Variants in UROC1 observed in about 807,000 individuals in gnomAD.
UROC1 encodes urocanate hydratase.
A neutral mutation model predicts 89.5 loss-of-function variants in UROC1; 79 were observed. The observed-to-expected ratio is 0.88, with a 90% CI of 0.74 to 1.06. The LOEUF (loss-of-function observed/expected upper bound fraction) is 1.06. Ranked by LOEUF, UROC1 falls within the 50% of genes least tolerant of loss-of-function variation. UROC1 has a pLI of 0.00. For synonymous variants in UROC1, 361 were observed against 354.8 expected (o/e 1.02, Z -0.20); for missense variants, 885 against 907.8 (o/e 0.97, Z 0.32).
At chr3:126,498,007 T>TG (rs751779600) in intron 14 of UROC1, 44 bp downstream of exon 14, 74 of 1,613,146 alleles carry the variant, frequency 4.6e-5, no homozygotes, top group Non-Finnish European at 4.9e-5. Context: ...GCAGAAGCTT[T>TG]GGGGGGGCCA....
At position 126,481,589 on chromosome 3, in the gene UROC1, G is replaced by GCCCT. The variant is rs1477233070; in HGVS notation, c.*752_*755dup. 4.6e-5 allele frequency: 7 copies of GCCCT among 152,200 alleles called. No homozygotes were observed. Among genetic ancestry groups the GCCCT allele is most frequent in the Admixed American group, 3.9e-4 (6 of 15,284 alleles). 9.4% of individuals were successfully genotyped at this position (152,200 alleles called of 1,614,324 possible). A position where few individuals can be genotyped will look rare whatever the true frequency, so the allele number is the denominator to read the frequency against. On this transcript the variant is annotated 3_prime_UTR_variant, in exon 20 of 20. Coordinates refer to ENST00000290868, the MANE Select transcript of UROC1 (RefSeq NM_144639.3). The stretch of plus-strand genomic sequence containing the variant: ...CCAGCTAAGAGAATGAGATTCATGA[G>GCCCT]CCCTGGCCCTGACAGAGGCCACTTC...
chr3:126,487,883 C>T (rs1371650194), intron 18 of UROC1, among the ~76,000 whole-genome samples: 2 of 152,176 alleles, frequency 1.3e-5, no homozygotes, highest in Admixed American at 6.5e-5. Context: ...TGGAAACTGA[C>T]ATGCTGGAAA....
chr3:126,506,148 TAGAG>T, intron 6 of UROC1, 137 bp from the exon 7 acceptor site: 2 of 949,214 alleles, frequency 2.1e-6, no homozygotes, highest in Admixed American at 2.0e-5. Flanking sequence ...TCACATAAAA[TAGAG>T]AGAGCACAGA....
chr3:126,489,460 C>G, intron 16 of UROC1, 85 bp from the exon 17 acceptor site: 1 of 1,056,236 alleles, frequency 9.5e-7, no homozygotes, highest in Non-Finnish European at 1.5e-6. Flanking sequence ...GCAGGTCACA[C>G]CAGAACCCGC....
intron 15 of UROC1, among the ~76,000 whole-genome samples, chr3:126,495,195 AT>A (rs1473054871): frequency 2.6e-5 from 4 of 152,162 alleles, no homozygotes; most frequent in Non-Finnish European, 5.9e-5. Context: ...TACGTTTTAA[AT>A]TATAAAATAT....
intron 9 of UROC1, among the ~76,000 whole-genome samples, chr3:126,502,628 TTA>T (rs1275537735): frequency 6.7e-6 from 1 of 149,270 alleles, no homozygotes; most frequent in Non-Finnish European, 1.5e-5. Context: ...ATGTGTGTGT[TTA>T]TGTGTGTGCA....
chr3:126,501,804 G>A (rs751127855), intron 9 of UROC1: 1 of 1,599,346 alleles, frequency 6.3e-7, no homozygotes, highest in East Asian at 2.2e-5. Flanking sequence ...TGCTTACCAG[G>A]AGTGGCCTGG....
At chr3:126,509,725 C>T (rs748920925) in intron 2 of UROC1, 47 bp from the exon 3 acceptor site, 1 of 1,521,790 alleles carries the variant, frequency 6.6e-7, no homozygotes. Context: ...CGCCAAAGCA[C>T]AGCATCTAGC....
At chr3:126,502,551 G>T (rs1343457416) in intron 9 of UROC1, among the ~76,000 whole-genome samples, 1 of 150,838 alleles carries the variant, frequency 6.6e-6, no homozygotes, top group Non-Finnish European at 1.5e-5. Context: ...TTGTGCATGA[G>T]TTATGTGTTT....
At chr3:126,500,915 C>T (rs560636852) in intron 10 of UROC1, 41 bp from the exon 11 acceptor site, 1 of 841,980 alleles carries the variant, frequency 1.2e-6, no homozygotes, top group Non-Finnish European at 1.7e-6. Context: ...CCACACACAG[C>T]CTGGGCCCAG....
At position 126,517,629 on chromosome 3, in the gene UROC1, C is replaced by T; in HGVS notation, c.91G>A (p.Val31Ile). Reference sequence around the variant, plus strand: ...ACAGGGCTGAGGCTGGGGGTCCTGACAGGGGCATGGGGCACCCCAGCCTGG... The same window carrying T: ...ACAGGGCTGAGGCTGGGGGTCCTGATAGGGGCATGGGGCACCCCAGCCTGG... ...GRQAGVPHAP[V>I]RTPSLSPVEK... is the part of the protein sequence containing the mutation. Residue 31 changes from valine to isoleucine, a missense_variant, in exon 1 of 20, where the codon GTC becomes ATC. Coordinates refer to ENST00000290868, the MANE Select transcript of UROC1 (RefSeq NM_144639.3). 1.2e-6 allele frequency: 2 copies of T among 1,612,006 alleles called. No homozygotes were observed. The highest frequency in any genetic ancestry group is 1.7e-4 in the Middle Eastern group (1 of 5,942).
At chr3:126,492,795 A>G (rs1043365247) in intron 15 of UROC1, among the ~76,000 whole-genome samples, 2 of 152,136 alleles carry the variant, frequency 1.3e-5, no homozygotes, top group African/African-American at 4.8e-5. Flanking sequence ...GATTATCCCC[A>G]GAGGGGCCTT....
chr3:126,514,616 A>G (rs1936260707), intron 1 of UROC1, among the ~76,000 whole-genome samples: 1 of 152,058 alleles, frequency 6.6e-6, no homozygotes, highest in Non-Finnish European at 1.5e-5. Flanking sequence ...ATGCACCACG[A>G]AGGAACAATC....
chr3:126,499,256 C>A (rs992353117), intron 13 of UROC1, 81 bp downstream of exon 13: 2 of 1,504,734 alleles, frequency 1.3e-6, no homozygotes, highest in African/African-American at 1.4e-5. Context: ...GCTTCTCCAA[C>A]CTAAATACCC....
rs754960394 is a variant in UROC1 at position 126,488,283 on chromosome 3, C to T, written c.1709-4G>A. 1.1e-5 allele frequency: 17 copies of T among 1,614,100 alleles called. No individual in the cohort carries two copies. Among genetic ancestry groups the T allele is most frequent in the Middle Eastern group, 1.6e-4 (1 of 6,084 alleles). On this transcript the variant is annotated splice_polypyrimidine_tract_variant and splice_region_variant and intron_variant, in intron 17 of 19. Coordinates refer to ENST00000290868, the MANE Select transcript of UROC1 (RefSeq NM_144639.3). Reference sequence around the variant, plus strand: ...ACGAAGTTCTGCACAGCCATGTCTGCGGAAATAGAGACGCCTCTGCTCATC... The same window carrying T: ...ACGAAGTTCTGCACAGCCATGTCTGTGGAAATAGAGACGCCTCTGCTCATC...
intron 17 of UROC1, 28 bp downstream of exon 17, chr3:126,489,248 A>C (rs374963781): frequency 1.3e-6 from 2 of 1,564,406 alleles, no homozygotes. Flanking sequence ...TCTAAGATGA[A>C]AGTTTAAGAC....
At chr3:126,500,195 T>C (rs1935884672) in intron 11 of UROC1, 41 bp from the exon 12 acceptor site, 1 of 1,599,072 alleles carries the variant, frequency 6.3e-7, no homozygotes, top group Non-Finnish European at 8.5e-7. Context: ...TGTGAGGCCC[T>C]GGGGCCTCCC....
chr3:126,499,445 A>AG (rs1183031853), intron 12 of UROC1, 36 bp from the exon 13 acceptor site: 1 of 1,595,856 alleles, frequency 6.3e-7, no homozygotes. Flanking sequence ...CACCCAAGGC[A>AG]GGACACCCAT....
intron 19 of UROC1, among the ~76,000 whole-genome samples, chr3:126,482,839 C>G (rs940209690): frequency 3.3e-5 from 5 of 152,104 alleles, no homozygotes; most frequent in Admixed American, 2.6e-4. Context: ...CCTGGTCTCC[C>G]CTGGATGATG....
Sources: gnomAD v4.1 joint callset for allele counts (sites outside exome capture counted in the v4.1 genomes callset) on GRCh38, gnomAD v4.1.1 for gene constraint, MANE v1.5 for transcripts, NCBI Gene and HGNC (gene_info 2026-07-23, HGNC 2026-07-21) for gene names.